Variants in NSF observed in about 807,000 individuals in gnomAD.
NSF encodes the protein vesicle-fusing ATPase.
Under a neutral mutation model 50.3 loss-of-function variants are expected in NSF, and 14 were observed. The ratio of observed to expected loss-of-function variants is 0.28; its 90% CI spans 0.18 to 0.44. The LOEUF (loss-of-function observed/expected upper bound fraction) is 0.44, where lower values mean the gene tolerates loss of function less well. NSF is among the 20% of genes least tolerant of loss of function. NSF has a pLI of 1.00. For missense variants in NSF, 218 were observed against 504.3 expected, an observed-to-expected ratio of 0.43 and a Z score of 5.44; for synonymous variants, 109 against 175.7, an observed-to-expected ratio of 0.62 and a Z score of 3.00.
In NSF at chr17:46,749,842, G is replaced by T; in HGVS notation, c.1978G>T (p.Ala660Ser). The stretch of plus-strand genomic sequence containing the variant: ...CCTTCAGGAGATGGAAATGCTTAAC[G>T]CTTTCAGCACCACCATCCACGTGCC... The part of the protein sequence containing the change: ...DVLQEMEMLN[A>S]FSTTIHVPNI... The change falls in exon 18 of 21, where the codon GCT becomes TCT. Residue 660 changes from alanine (A) to serine (S), a missense_variant. Ala to Ser is a moderately conservative substitution (Grantham distance 99). This residue lies in a region of NSF where 209 missense variants were observed against 320.9 expected (regional missense o/e 0.65). Coordinates refer to ENST00000398238, the MANE Select transcript of NSF (RefSeq NM_006178.4). 1 of 1,614,126 alleles carries T rather than the reference G, an allele frequency of 6.2e-7. No homozygotes were observed. The highest frequency in any genetic ancestry group is 8.5e-7 in the Non-Finnish European group (1 of 1,180,008).
chr17:46,729,034 A>T lies in NSF; in HGVS notation c.1908+100A>T, dbSNP rs75013657. On this transcript the variant is annotated intron_variant, in intron 17 of 20. Transcript: ENST00000398238. ...TAAATAAGCAGGTTATCATAAACATAAAATTCTGTTGTTGAAAGGATTTTG... is the reference window on the plus strand; with the variant it reads ...TAAATAAGCAGGTTATCATAAACATTAAATTCTGTTGTTGAAAGGATTTTG... The T allele has an allele frequency of 1.6e-4, 121 of 751,464 alleles. No individual in the cohort carries two copies. In the African/African-American group the frequency reaches 2.0e-3, roughly 12 times the overall value. 46.5% of individuals were successfully genotyped at this position (751,464 alleles called of 1,614,324 possible). A position where few individuals can be genotyped will look rare whatever the true frequency, so the allele number is the denominator to read the frequency against.
intron 17 of NSF, among the ~76,000 whole-genome samples, chr17:46,745,028 G>T (rs2059113312): frequency 1.6e-5 from 2 of 126,874 alleles, no homozygotes; most frequent in African/African-American, 6.1e-5. Flanking sequence ...TCCCAAATAG[G>T]TTATCACTCT....
At chr17:46,732,956 G>C (rs1224638337) in intron 17 of NSF, among the ~76,000 whole-genome samples, 1 of 152,246 alleles carries the variant, frequency 6.6e-6, no homozygotes, top group Non-Finnish European at 1.5e-5. Context: ...CTGTCACACA[G>C]AGGTTTCACA....
intron 15 of NSF, among the ~76,000 whole-genome samples, chr17:46,714,506 G>T (rs1006583962): frequency 2.0e-5 from 3 of 152,082 alleles, no homozygotes; most frequent in Non-Finnish European, 4.4e-5. Flanking sequence ...AGTGCCACTC[G>T]TCACCTTCTT....
At chr17:46,743,486 G>A (rs2059098019) in intron 17 of NSF, among the ~76,000 whole-genome samples, 1 of 152,186 alleles carries the variant, frequency 6.6e-6, no homozygotes, top group Non-Finnish European at 1.5e-5. Context: ...TGGTTGAGGA[G>A]GAGATAGATG....
chr17:46,717,417 A>G (rs1007996745), intron 15 of NSF, among the ~76,000 whole-genome samples: 1 of 152,094 alleles, frequency 6.6e-6, no homozygotes, highest in African/African-American at 2.4e-5. Flanking sequence ...AATTAACTAT[A>G]CTTAAAAATC....
intron 14 of NSF, 56 bp from the exon 15 acceptor site, chr17:46,713,797 A>C: frequency 6.4e-7 from 1 of 1,567,282 alleles, no homozygotes; most frequent in South Asian, 1.2e-5. Context: ...AACTTGTTTT[A>C]TTTCCCTTTG....
At chr17:46,722,179 G>C (rs1020586850) in intron 15 of NSF, 108 of 1,609,282 alleles carry the variant, frequency 6.7e-5, no homozygotes, top group Non-Finnish European at 8.2e-5. Flanking sequence ...GCTTTCTCCT[G>C]GGAGAACTTG....
intron 8 of NSF, among the ~76,000 whole-genome samples, chr17:46,662,123 G>A (rs368722710): frequency 6.0e-4 from 26 of 43,592 alleles, no homozygotes; most frequent in African/African-American, 1.6e-3. Context: ...GATTACAGGC[G>A]TGAGCCACCG....
chr17:46,741,559 C>T (rs980638593), intron 17 of NSF, among the ~76,000 whole-genome samples: 2 of 151,774 alleles, frequency 1.3e-5, no homozygotes, highest in African/African-American at 2.4e-5. Context: ...AACATCCTTC[C>T]TTTGGTATTC....
At chr17:46,721,596 C>G in intron 15 of NSF, 1 of 1,565,414 alleles carries the variant, frequency 6.4e-7, no homozygotes, top group Non-Finnish European at 8.7e-7. Flanking sequence ...AATTGAAACT[C>G]TGGGAATTCA....
intron 8 of NSF, among the ~76,000 whole-genome samples, chr17:46,657,956 A>T (rs1164255689): frequency 1.3e-5 from 1 of 78,752 alleles, no homozygotes; most frequent in African/African-American, 6.7e-5. Context: ...TTTTGTTTTT[A>T]TTTTATTTTA....
At chr17:46,711,649 A>G (rs1041042052) in intron 14 of NSF, among the ~76,000 whole-genome samples, 1 of 152,246 alleles carries the variant, frequency 6.6e-6, no homozygotes, top group Admixed American at 6.5e-5. Flanking sequence ...TTGAGTAGAC[A>G]GACAAAAGGG....
At chr17:46,739,800 G>A (rs562376012) in intron 17 of NSF, among the ~76,000 whole-genome samples, 212 of 151,894 alleles carry the variant, frequency 1.4e-3, no homozygotes, top group Middle Eastern at 3.4e-3. Flanking sequence ...CCGGGTTCAA[G>A]CAATTCTCAT....
intron 15 of NSF, among the ~76,000 whole-genome samples, chr17:46,716,282 A>G (rs1364042831): frequency 1.4e-5 from 2 of 142,806 alleles, no homozygotes; most frequent in East Asian, 4.0e-4. Flanking sequence ...TTTGAGATGG[A>G]GTCTTGCTCT....
intron 17 of NSF, among the ~76,000 whole-genome samples, chr17:46,740,730 C>T (rs1169349110): frequency 2.7e-5 from 4 of 148,088 alleles, no homozygotes; most frequent in Non-Finnish European, 4.5e-5. Flanking sequence ...GGCACGATTT[C>T]GGCTCACTGC....
At chr17:46,735,181 T>TG (rs1445538415) in intron 17 of NSF, among the ~76,000 whole-genome samples, 1 of 152,242 alleles carries the variant, frequency 6.6e-6, no homozygotes, top group East Asian at 1.9e-4. Flanking sequence ...CTATAGTAGA[T>TG]ATTAATACCA....
chr17:46,753,110 A>G (rs2059199314), intron 19 of NSF, among the ~76,000 whole-genome samples: 1 of 152,306 alleles, frequency 6.6e-6, no homozygotes, highest in African/African-American at 2.4e-5. Context: ...TTCATTTTAC[A>G]GTTAGGTAAA....
In NSF at chr17:46,719,797, GCTTT is replaced by G. The variant is rs1386342438; in HGVS notation, c.1761+5814_1761+5817del. 6.6e-6 allele frequency among the ~76,000 whole-genome samples: 1 copy of G among 152,272 alleles called. No individual in the cohort carries two copies. Among genetic ancestry groups the G allele is most frequent in the Admixed American group, 6.5e-5 (1 of 15,300 alleles). The stretch of plus-strand genomic sequence containing the variant: ...TTTTAACTAATTACCTAATCTTGAT[GCTTT>G]CTGAGTATACAATCAGTAGAGATGA... On this transcript the variant is annotated intron_variant, in intron 15 of 20. Transcript: ENST00000398238. This position sits in a 1 kb window ranked among gnomAD's most constrained non-coding sequence, Gnocchi z 4.3.
Sources: gnomAD v4.1 joint callset for allele counts (sites outside exome capture counted in the v4.1 genomes callset) on GRCh38, gnomAD v4.1.1 for gene constraint, gnomAD v4.1.1 regional missense constraint, Gnocchi (gnomAD v3.1) non-coding constraint, MANE v1.5 for transcripts, NCBI Gene and HGNC (gene_info 2026-07-23, HGNC 2026-07-21) for gene names.